The following RORB variants were observed in gnomAD, a reference collection of about 807,000 sequenced individuals.
RORB encodes the protein nuclear receptor ROR-beta.
Under a neutral mutation model 59.1 loss-of-function variants are expected in RORB, and 6 were observed. The observed-to-expected ratio is 0.10, with a 90% confidence interval of 0.06 to 0.20. The LOEUF is 0.20. Among genes scored for constraint, RORB ranks in the 10% least tolerant of loss-of-function variants. The probability of loss-of-function intolerance (pLI) is 1.00; values close to 1 mark genes in which losing one functional copy is unlikely to be tolerated. For missense variants in RORB, 320 were observed against 560.5 expected, an observed-to-expected ratio of 0.57 and a Z score of 4.33; for synonymous variants, 215 against 204.5, an observed-to-expected ratio of 1.05 and a Z score of -0.44.
intron 1 of RORB, among the ~76,000 whole-genome samples, chr9:74,578,048 G>A (rs1822664238): frequency 6.6e-6 from 1 of 151,294 alleles, no homozygotes; most frequent in Admixed American, 6.6e-5. Context: ...TCAGGAAACT[G>A]AGGACCTGAG....
chr9:74,605,785 C>T (rs767865243), intron 1 of RORB, among the ~76,000 whole-genome samples: 3 of 152,158 alleles, frequency 2.0e-5, no homozygotes, highest in Non-Finnish European at 4.4e-5. Flanking sequence ...CTCAAACAGA[C>T]ATGGATCCAC....
intron 1 of RORB, among the ~76,000 whole-genome samples, chr9:74,513,405 T>C (rs1825966856): frequency 6.6e-6 from 1 of 151,972 alleles, no homozygotes. Context: ...GTTTTTGCCA[T>C]TACGTCAGCA....
At chr9:74,598,434 G>A (rs1309708054) in intron 1 of RORB, among the ~76,000 whole-genome samples, 1 of 152,092 alleles carries the variant, frequency 6.6e-6, no homozygotes, top group Non-Finnish European at 1.5e-5. Flanking sequence ...TACAGAGCAG[G>A]TCAGCATGTT....
intron 4 of RORB, among the ~76,000 whole-genome samples, chr9:74,651,561 C>A (rs1823992851): frequency 6.6e-6 from 1 of 151,028 alleles, no homozygotes; most frequent in Non-Finnish European, 1.5e-5. Flanking sequence ...AAAGAAAATT[C>A]TCATGTAGCC....
At chr9:74,585,581 T>C (rs1218480369) in intron 1 of RORB, among the ~76,000 whole-genome samples, 2 of 152,198 alleles carry the variant, frequency 1.3e-5, no homozygotes, top group African/African-American at 4.8e-5. Flanking sequence ...CTGATAGCTA[T>C]AGTCTACCTT....
chr9:74,518,905 TAC>T (rs1165508177), intron 1 of RORB, among the ~76,000 whole-genome samples: 5 of 151,970 alleles, frequency 3.3e-5, no homozygotes, highest in Admixed American at 1.3e-4. Flanking sequence ...TTGTTAGAAT[TAC>T]AGTTAATTTT....
At chr9:74,667,491 TA>T (rs1197459579) in intron 7 of RORB, among the ~76,000 whole-genome samples, 1 of 152,216 alleles carries the variant, frequency 6.6e-6, no homozygotes, top group Admixed American at 6.5e-5. Context: ...ATTTCAAATT[TA>T]TAAGGATGTA....
chr9:74,660,528 C>T (rs1824165030), intron 4 of RORB, 89 bp from the exon 5 acceptor site: 1 of 1,247,132 alleles, frequency 8.0e-7, no homozygotes, highest in African/African-American at 1.5e-5. Flanking sequence ...GGAGTATCTC[C>T]AAAAGGCATT....
Position 74,608,449 on chromosome 9 carries a change from A to G in RORB, c.8-21833A>G, listed in dbSNP as rs544904967. On this transcript the variant is annotated intron_variant, in intron 1 of 9. Transcript: ENST00000376896. Reference sequence around the variant, plus strand: ...CGTGGTGGCGGGCACCTGTAGTCCCAGCTACTCGGGAGGCTGAGGCAGGAG... The same window carrying G: ...CGTGGTGGCGGGCACCTGTAGTCCCGGCTACTCGGGAGGCTGAGGCAGGAG... Among the ~76,000 whole-genome samples the G allele has an allele frequency of 3.9e-5, 6 of 151,908 alleles. No individual in the cohort carries two copies. The South Asian group carries it at 6.2e-4, about 16-fold the overall frequency.
At chr9:74,634,116 C>A (rs1823663952) in intron 2 of RORB, among the ~76,000 whole-genome samples, 1 of 138,944 alleles carries the variant, frequency 7.2e-6, no homozygotes, top group Admixed American at 7.3e-5. Flanking sequence ...TGCATTCGAG[C>A]CAAATTCAAA....
At chr9:74,644,870 C>T (rs1823870795) in intron 4 of RORB, among the ~76,000 whole-genome samples, 1 of 152,134 alleles carries the variant, frequency 6.6e-6, no homozygotes, top group Admixed American at 6.6e-5. Context: ...GGAAAGAGAA[C>T]TACAGCCAAA....
At chr9:74,588,922 A>C (rs1822847553) in intron 1 of RORB, among the ~76,000 whole-genome samples, 1 of 122,926 alleles carries the variant, frequency 8.1e-6, no homozygotes, top group Admixed American at 9.7e-5. Context: ...CTTGGCTCTG[A>C]CCATTAAGTG....
chr9:74,566,360 T>C (rs574845685), intron 1 of RORB, among the ~76,000 whole-genome samples: 2 of 152,180 alleles, frequency 1.3e-5, no homozygotes, highest in African/African-American at 4.8e-5. Context: ...CTTCTCATGT[T>C]TTGAGAACAT....
At chr9:74,532,035 G>C (rs990725515) in intron 1 of RORB, among the ~76,000 whole-genome samples, 2 of 151,772 alleles carry the variant, frequency 1.3e-5, no homozygotes, top group Non-Finnish European at 2.9e-5. Flanking sequence ...CTGTCACTGT[G>C]AATAAAAATA....
intron 9 of RORB, among the ~76,000 whole-genome samples, chr9:74,681,679 A>G (rs1325410981): frequency 6.6e-6 from 1 of 152,190 alleles, no homozygotes; most frequent in Non-Finnish European, 1.5e-5. Context: ...CCATATTAAC[A>G]TTCCAAAACC....
intron 1 of RORB, among the ~76,000 whole-genome samples, chr9:74,540,125 G>A (rs1030284061): frequency 4.6e-5 from 7 of 152,054 alleles, no homozygotes; most frequent in African/African-American, 1.2e-4. Flanking sequence ...CACTGAAAAC[G>A]AGTTAAAAAG....
chr9:74,637,455 CA>C (rs1297945898), intron 3 of RORB, among the ~76,000 whole-genome samples: 1 of 152,046 alleles, frequency 6.6e-6, no homozygotes, highest in Non-Finnish European at 1.5e-5. Context: ...AATCAAAAAT[CA>C]AATCCACTTG....
intron 1 of RORB, among the ~76,000 whole-genome samples, chr9:74,519,292 G>A (rs936932855): frequency 2.0e-5 from 3 of 152,018 alleles, no homozygotes; most frequent in Admixed American, 6.6e-5. Context: ...ATGCACGCGG[G>A]AAGTATTTAG....
At chr9:74,658,545 G>A (rs912025439) in intron 4 of RORB, among the ~76,000 whole-genome samples, 2 of 152,114 alleles carry the variant, frequency 1.3e-5, no homozygotes, top group Non-Finnish European at 2.9e-5. Context: ...GGCAATGATA[G>A]TCTTGTTTAT....
Sources: gnomAD v4.1 joint callset for allele counts (sites outside exome capture counted in the v4.1 genomes callset) on GRCh38, gnomAD v4.1.1 for gene constraint, MANE v1.5 for transcripts, NCBI Gene and HGNC (gene_info 2026-07-23, HGNC 2026-07-21) for gene names.